The following NIPBL variants were observed in gnomAD, a reference collection of about 807,000 sequenced individuals.
NIPBL encodes NIPBL cohesin loading factor.
Under a neutral mutation model 321.8 loss-of-function variants are expected in NIPBL, and 19 were observed. The observed-to-expected ratio is 0.06, with a 90% CI of 0.04 to 0.09. NIPBL has a LOEUF of 0.09. Ranked by LOEUF, NIPBL falls within the 10% of genes least tolerant of loss-of-function variation. NIPBL has a pLI of 1.00. For synonymous variants in NIPBL, 1,106 were observed against 1,114.1 expected (o/e 0.99, Z 0.14); for missense variants, 2,210 against 3,327.0 (o/e 0.66, Z 8.26).
intron 20 of NIPBL, among the ~76,000 whole-genome samples, chr5:37,008,987 T>C (rs1247032563): frequency 6.6e-6 from 1 of 152,202 alleles, no homozygotes; most frequent in African/African-American, 2.4e-5. Context: ...TATAACACTT[T>C]GTTATGCATA....
Position 36,957,753 on chromosome 5 carries a change from C to T in NIPBL, c.231-351C>T, listed in dbSNP as rs144145221. Among the ~76,000 whole-genome samples, 1,364 of 151,604 alleles carry T rather than the reference C, an allele frequency of 9.0e-3. 14 individuals are homozygous for T. The highest frequency in any genetic ancestry group is 0.013 in the Non-Finnish European group (908 of 67,982). On this transcript the variant is annotated intron_variant, in intron 3 of 46. Transcript: ENST00000282516. Reference sequence around the variant, plus strand: ...ATCCCAGCACTTTGGGAGGCCGAGGCGGGCAGACCATCTGAGGTCAGGAGT... The same window carrying T: ...ATCCCAGCACTTTGGGAGGCCGAGGTGGGCAGACCATCTGAGGTCAGGAGT...
At chr5:36,951,988 T>C (rs1008054266) in intron 1 of NIPBL, among the ~76,000 whole-genome samples, 5 of 150,656 alleles carry the variant, frequency 3.3e-5, no homozygotes, top group Admixed American at 3.3e-4. Context: ...ATGATGATTC[T>C]ATGGATGCTT....
Position 36,958,158 on chromosome 5 carries a change from G to A in NIPBL, c.285G>A (p.Leu95=). 2 of 1,614,032 alleles carry A rather than the reference G, an allele frequency of 1.2e-6. No individual in the cohort carries two copies. Among genetic ancestry groups the A allele is most frequent in the Non-Finnish European group, 1.7e-6 (2 of 1,179,940 alleles). The change falls in exon 4 of 47, where the codon TTG becomes TTA. Residue 95 remains leucine, a synonymous_variant. Coordinates refer to ENST00000282516, the MANE Select transcript of NIPBL (RefSeq NM_133433.4). The stretch of plus-strand genomic sequence containing the variant: ...ACCCAGAAGGTGACATACCAGTCTT[G>A]TTGCAGGCCGTCCTGGCAAGGAGTC... ...SDDPEGDIPV[L]LQAVLARSPN...
intron 1 of NIPBL, among the ~76,000 whole-genome samples, chr5:36,893,533 T>G (rs1218571353): frequency 6.6e-6 from 1 of 152,120 alleles, no homozygotes; most frequent in Non-Finnish European, 1.5e-5. Context: ...AGATGTAAGT[T>G]TTTAAGTTTC....
chr5:37,008,785 C>T (rs1747743484), intron 20 of NIPBL, 62 bp downstream of exon 20: 1 of 854,232 alleles, frequency 1.2e-6, no homozygotes, highest in Non-Finnish European at 2.0e-6. Flanking sequence ...AACCGTCATA[C>T]ATTTATTCTT....
intron 1 of NIPBL, among the ~76,000 whole-genome samples, chr5:36,939,052 G>T (rs1007751149): frequency 3.3e-5 from 5 of 152,080 alleles, no homozygotes; most frequent in Admixed American, 6.6e-5. Flanking sequence ...ACCCAGGCTG[G>T]AATACAGTAG....
rs1222350282 is a variant in NIPBL at position 36,953,621 on chromosome 5, T to G, written c.-76T>G. On this transcript the variant is annotated 5_prime_UTR_variant, in exon 2 of 47. Coordinates refer to ENST00000282516, the MANE Select transcript of NIPBL (RefSeq NM_133433.4). ...TTGTCTGTTTTGTGTGTTGCAGTGT[T>G]TGGGAAATGGGAAGTAATGACAGCT... 29 of 1,135,724 alleles carry G rather than the reference T, an allele frequency of 2.6e-5. No individual in the cohort carries two copies. The highest frequency in any genetic ancestry group is 3.8e-5 in the Non-Finnish European group (28 of 743,140). The allele number at this position is 1,135,724 out of a possible 1,614,324, so 70.4% of individuals were successfully genotyped here.
chr5:37,057,955 G>T (rs988716691), intron 43 of NIPBL, among the ~76,000 whole-genome samples: 3 of 152,168 alleles, frequency 2.0e-5, no homozygotes, highest in African/African-American at 4.8e-5. Flanking sequence ...TGTATCTAAT[G>T]ATCCAAGTAG....
chr5:37,006,570 A>G lies in NIPBL; in HGVS notation c.4069A>G (p.Arg1357Gly). ...TTATCCTCAGTATGATCCTGTTTACAGATTAGATCCTCATGGAGGTTAGTT... is the reference window on the plus strand; with the variant it reads ...TTATCCTCAGTATGATCCTGTTTACGGATTAGATCCTCATGGAGGTTAGTT... ...TLYPQYDPVY[R>G]LDPHGGGLLS... Residue 1357 changes from arginine (R) to glycine (G), a missense_variant, in exon 17 of 47, where the codon AGA (arginine) becomes GGA (glycine). This residue lies in a region of NIPBL where 381 missense variants were observed against 642.3 expected (regional missense o/e 0.59). Transcript: ENST00000282516. The G allele has an allele frequency of 6.2e-7, 1 of 1,603,936 alleles. No individual in the cohort carries two copies. The highest frequency in any genetic ancestry group is 8.5e-7 in the Non-Finnish European group (1 of 1,171,678).
intron 42 of NIPBL, among the ~76,000 whole-genome samples, chr5:37,056,282 A>G (rs1341260671): frequency 1.3e-5 from 2 of 152,110 alleles, no homozygotes; most frequent in Admixed American, 6.5e-5. Flanking sequence ...CATCTGTGCT[A>G]TGGGATCTTG....
Position 36,876,823 on chromosome 5 carries a change from TCCCCCC to T in NIPBL, c.-434_-429del. 2.8e-6 allele frequency: 1 copy of T among 352,492 alleles called. No individual in the cohort carries two copies. The highest frequency in any genetic ancestry group is 4.9e-6 in the Non-Finnish European group (1 of 204,032). The allele number at this position is 352,492 out of a possible 1,614,324, so 21.8% of individuals were successfully genotyped here. On this transcript the variant is annotated 5_prime_UTR_variant, in exon 1 of 47. Transcript: ENST00000282516. ...AGAGAGAGACACACACAGGGCTCCT[TCCCCCC>T]GCCCTCCCCCCCCTCCCTCCGTCGG...
intron 1 of NIPBL, among the ~76,000 whole-genome samples, chr5:36,909,904 C>T (rs1176712622): frequency 5.3e-5 from 8 of 152,078 alleles, no homozygotes; most frequent in South Asian, 2.1e-4. Flanking sequence ...GGTGAAACCC[C>T]GCCTTTACTC....
At chr5:37,033,750 T>A (rs1318602339) in intron 32 of NIPBL, among the ~76,000 whole-genome samples, 1 of 122,676 alleles carries the variant, frequency 8.2e-6, no homozygotes, top group Non-Finnish European at 1.7e-5. Flanking sequence ...TTTTTTTTTT[T>A]AATGGCTTGG....
At chr5:36,940,789 CATAAG>C (rs1432948158) in intron 1 of NIPBL, among the ~76,000 whole-genome samples, 22 of 152,186 alleles carry the variant, frequency 1.4e-4, no homozygotes, top group Middle Eastern at 3.4e-3. Flanking sequence ...GTACCTAATT[CATAAG>C]ATAAGGATTA....
chr5:37,002,564 T>C lies in NIPBL; in HGVS notation c.3665-98T>C, dbSNP rs73093870. 4.2e-3 allele frequency: 3,309 copies of C among 796,782 alleles called. 83 individuals carry two copies. In the African/African-American group the frequency reaches 0.05, roughly 12 times the overall value. 49.4% of individuals were successfully genotyped at this position (796,782 alleles called of 1,614,324 possible). On this transcript the variant is annotated intron_variant, in intron 14 of 46. Transcript: ENST00000282516. ...AGGCGTCTTAGGTTATTTGTTTAGT[T>C]TGCATGTCTAAAAATTTTATTAGAA...
At chr5:37,028,391 C>T (rs778925708) in intron 32 of NIPBL, among the ~76,000 whole-genome samples, 12 of 129,390 alleles carry the variant, frequency 9.3e-5, no homozygotes, top group African/African-American at 1.2e-4. Context: ...AACTGGAGTG[C>T]AGTGGCGCCA....
At chr5:37,046,680 T>C (rs1561208542) in intron 38 of NIPBL, among the ~76,000 whole-genome samples, 1 of 152,202 alleles carries the variant, frequency 6.6e-6, no homozygotes, top group Non-Finnish European at 1.5e-5. Context: ...GAAGGAACAA[T>C]TTGGATATAT....
intron 1 of NIPBL, among the ~76,000 whole-genome samples, chr5:36,922,538 A>G (rs1026817439): frequency 1.3e-5 from 2 of 152,106 alleles, no homozygotes; most frequent in African/African-American, 4.8e-5. Flanking sequence ...AATGTAGGAA[A>G]TGTCCAGCAT....
chr5:36,933,234 A>T (rs1019794946), intron 1 of NIPBL, among the ~76,000 whole-genome samples: 1 of 152,050 alleles, frequency 6.6e-6, no homozygotes, highest in African/African-American at 2.4e-5. Context: ...TAGCAGTGTC[A>T]TATTGAATTC....
Sources: gnomAD v4.1 joint callset for allele counts (sites outside exome capture counted in the v4.1 genomes callset) on GRCh38, gnomAD v4.1.1 for gene constraint, gnomAD v4.1.1 regional missense constraint, MANE v1.5 for transcripts, NCBI Gene and HGNC (gene_info 2026-07-23, HGNC 2026-07-21) for gene names.